The following RTTN variants were observed in gnomAD, a reference collection of about 807,000 sequenced individuals.
RTTN encodes rotatin.
Under a neutral mutation model 269.2 loss-of-function variants are expected in RTTN, and 182 were observed. That is an observed-to-expected ratio of 0.68 (90% CI 0.60 to 0.76). The LOEUF (loss-of-function observed/expected upper bound fraction) is 0.76, where lower values mean the gene tolerates loss of function less well. Ranked by LOEUF, RTTN falls within the 30% of genes least tolerant of loss-of-function variation. The pLI is 0.00. For synonymous variants in RTTN, 1,006 were observed against 963.5 expected (o/e 1.04, Z -0.82); for missense variants, 2,545 against 2,608.6 (o/e 0.98, Z 0.53).
intron 41 of RTTN, among the ~76,000 whole-genome samples, 158 bp downstream of exon 41, chr18:70,030,718 T>C (rs1201547238): frequency 6.6e-6 from 1 of 152,238 alleles, no homozygotes. Flanking sequence ...TAATGCATAT[T>C]TACTGCTTCT....
intron 46 of RTTN, chr18:70,007,054 G>A (rs995235419): frequency 6.6e-6 from 1 of 152,488 alleles, no homozygotes; most frequent in African/African-American, 2.4e-5. Context: ...TCCAACTGAG[G>A]TACCCAGCTC....
intron 40 of RTTN, among the ~76,000 whole-genome samples, chr18:70,041,035 C>A (rs767243817): frequency 1.3e-5 from 2 of 151,804 alleles, no homozygotes; most frequent in East Asian, 1.9e-4. Context: ...GTTTGGCCAA[C>A]AAACATGCGA....
At chr18:70,204,308 C>T in intron 2 of RTTN, 45 bp from the exon 3 acceptor site, 1 of 1,516,880 alleles carries the variant, frequency 6.6e-7, no homozygotes, top group Non-Finnish European at 9.0e-7. Context: ...GTATCAAAAT[C>T]TCTATAACTT....
At chr18:70,064,137 A>G (rs907110665) in intron 35 of RTTN, among the ~76,000 whole-genome samples, 1 of 151,810 alleles carries the variant, frequency 6.6e-6, no homozygotes, top group Non-Finnish European at 1.5e-5. Context: ...CAGGGGTTAG[A>G]GACCAGCCTG....
At chr18:70,004,703 A>G (rs1247022863) in intron 48 of RTTN, among the ~76,000 whole-genome samples, 1 of 152,228 alleles carries the variant, frequency 6.6e-6, no homozygotes, top group Non-Finnish European at 1.5e-5. Flanking sequence ...TTTTAGCATA[A>G]AAAATGTTCA....
intron 11 of RTTN, among the ~76,000 whole-genome samples, chr18:70,170,531 G>T (rs2061111642): frequency 6.6e-6 from 1 of 152,174 alleles, no homozygotes; most frequent in African/African-American, 2.4e-5. Context: ...GCTATCTGAG[G>T]GAAAGCATTT....
At chr18:70,103,729 C>T (rs374109919) in intron 28 of RTTN, among the ~76,000 whole-genome samples, 8 of 129,448 alleles carry the variant, frequency 6.2e-5, no homozygotes, top group African/African-American at 1.2e-4. Flanking sequence ...TCCCCCTCTC[C>T]GAGAAACACC....
chr18:70,167,775 A>G (rs544037050), intron 12 of RTTN, among the ~76,000 whole-genome samples: 12 of 152,222 alleles, frequency 7.9e-5, no homozygotes, highest in African/African-American at 2.4e-4. Flanking sequence ...AGAGAAAACA[A>G]GAAGACAGTG....
At chr18:70,042,809 G>T (rs1467223595) in intron 40 of RTTN, among the ~76,000 whole-genome samples, 2 of 152,202 alleles carry the variant, frequency 1.3e-5, no homozygotes, top group Non-Finnish European at 2.9e-5. Context: ...GGCGATAAAA[G>T]ACTTTCAGTC....
rs780309439 is a variant in RTTN, at chr18:70,166,043, C to T, written c.1929+19G>A. The T allele has an allele frequency of 5.6e-6, 9 of 1,611,090 alleles. No individual in the cohort carries two copies. The highest frequency in any genetic ancestry group is 1.1e-5 in the South Asian group (1 of 90,668). On this transcript the variant is annotated intron_variant, in intron 14 of 48. Coordinates refer to ENST00000640769, the MANE Select transcript of RTTN (RefSeq NM_173630.4). ...TATTTGTTCTCAAAAACAAAACATA[C>T]GAAAAAACAAAACCTCACCTTCGTG...
chr18:70,116,449 C>A (rs1377676711), intron 26 of RTTN, among the ~76,000 whole-genome samples: 1 of 151,744 alleles, frequency 6.6e-6, no homozygotes, highest in Admixed American at 6.6e-5. Context: ...CTTTGATTTA[C>A]ATGTTAACAC....
chr18:70,075,990 C>T (rs962025959), intron 32 of RTTN, among the ~76,000 whole-genome samples: 2 of 151,928 alleles, frequency 1.3e-5, no homozygotes, highest in African/African-American at 4.8e-5. Context: ...ATGAAAAGGT[C>T]CATCAATATC....
chr18:70,066,482 C>A (rs2058138428), intron 34 of RTTN, among the ~76,000 whole-genome samples: 1 of 152,136 alleles, frequency 6.6e-6, no homozygotes, highest in Admixed American at 6.6e-5. Flanking sequence ...TACAATTTCA[C>A]CTACAGGTTT....
intron 46 of RTTN, chr18:70,006,748 C>T (rs996747436): frequency 3.7e-5 from 14 of 383,100 alleles, no homozygotes; most frequent in African/African-American, 2.6e-4. Flanking sequence ...AAGGCACATT[C>T]ATTTAAAGAC....
At chr18:70,071,099 C>T (rs1238729370) in intron 34 of RTTN, among the ~76,000 whole-genome samples, 1 of 152,130 alleles carries the variant, frequency 6.6e-6, no homozygotes, top group Admixed American at 6.5e-5. Context: ...TACTTCTGGA[C>T]TCAAAAGAAT....
intron 5 of RTTN, 128 bp downstream of exon 5, chr18:70,199,286 T>C (rs1248657293): frequency 2.1e-6 from 1 of 484,262 alleles, no homozygotes; most frequent in South Asian, 4.6e-5. Context: ...ATAAAAATCA[T>C]TTAAATATGA....
At chr18:70,012,585 G>A (rs112547232) in intron 46 of RTTN, among the ~76,000 whole-genome samples, 12 of 150,472 alleles carry the variant, frequency 8.0e-5, no homozygotes, top group Admixed American at 5.3e-4. Flanking sequence ...AGAGGGCAGC[G>A]TCTGCTCACT....
In RTTN at chr18:70,083,849, G is replaced by A. The variant is rs532472600; in HGVS notation, c.4374+2764C>T. ...AGCTACTCAGGAGGCTGAGGCAAGC[G>A]TATCACTTGAGCCCAGGAACTCAAG... On this transcript the variant is annotated intron_variant, in intron 32 of 48. Transcript: ENST00000640769. Among the ~76,000 whole-genome samples the A allele has an allele frequency of 5.3e-5, 8 of 151,762 alleles. No homozygotes were observed. The South Asian group carries it at 6.2e-4, about 12-fold the overall frequency.
chr18:70,081,481 T>G (rs567404620), intron 32 of RTTN, among the ~76,000 whole-genome samples: 1 of 152,132 alleles, frequency 6.6e-6, no homozygotes, highest in Non-Finnish European at 1.5e-5. Flanking sequence ...TAATCAAAGT[T>G]AGTATCACCA....
Sources: gnomAD v4.1 joint callset for allele counts (sites outside exome capture counted in the v4.1 genomes callset) on GRCh38, gnomAD v4.1.1 for gene constraint, MANE v1.5 for transcripts, NCBI Gene and HGNC (gene_info 2026-07-23, HGNC 2026-07-21) for gene names.